The following WWOX variants were observed in gnomAD, a reference collection of about 807,000 sequenced individuals.
WWOX encodes WW domain-containing oxidoreductase.
In WWOX, 69 loss-of-function variants were observed where a neutral mutation model predicts 46.2. That is an observed-to-expected ratio of 1.49 (90% confidence interval 1.23 to 1.82). The LOEUF (loss-of-function observed/expected upper bound fraction) is 1.82, where lower values mean the gene tolerates loss of function less well. WWOX is among the 40% of genes most tolerant of loss of function. WWOX has a pLI of 0.00. For missense variants in WWOX, 919 were observed against 542.6 expected (o/e 1.69, Z -6.89); for synonymous variants, 359 against 202.6 (o/e 1.77, Z -6.56).
intron 8 of WWOX, among the ~76,000 whole-genome samples, chr16:78,720,035 TATGAA>T (rs1313067113): frequency 6.6e-6 from 1 of 152,238 alleles, no homozygotes; most frequent in Non-Finnish European, 1.5e-5. Context: ...CTGTACATTT[TATGAA>T]ATGACTGTTT....
intron 8 of WWOX, among the ~76,000 whole-genome samples, chr16:78,463,325 C>A (rs1353751268): frequency 2.6e-5 from 4 of 152,124 alleles, no homozygotes; most frequent in Non-Finnish European, 4.4e-5. Context: ...GAAATTCTTA[C>A]CCGATGCTTA....
At chr16:78,143,750 A>G (rs2034068351) in intron 4 of WWOX, among the ~76,000 whole-genome samples, 1 of 92,242 alleles carries the variant, frequency 1.1e-5, no homozygotes, top group African/African-American at 3.8e-5. Flanking sequence ...AAGAATTGGT[A>G]TGTTTTTTTT....
At chr16:78,175,312 C>G (rs1049383215) in intron 5 of WWOX, among the ~76,000 whole-genome samples, 1 of 152,236 alleles carries the variant, frequency 6.6e-6, no homozygotes, top group East Asian at 1.9e-4. Flanking sequence ...TAAAAGGAAG[C>G]CTTAGAAGTG....
At chr16:78,867,780 C>T (rs2044038470) in intron 8 of WWOX, among the ~76,000 whole-genome samples, 1 of 152,076 alleles carries the variant, frequency 6.6e-6, no homozygotes. Flanking sequence ...TTTTATACTG[C>T]CAATCTGAGG....
At chr16:78,152,865 C>T (rs2034465701) in intron 4 of WWOX, among the ~76,000 whole-genome samples, 1 of 151,940 alleles carries the variant, frequency 6.6e-6, no homozygotes, top group African/African-American at 2.4e-5. Flanking sequence ...AAAGATATTC[C>T]ACATGAACTG....
rs114415621 is a variant in WWOX, at chr16:78,960,356, G to C, written c.1057-251252G>C. On this transcript the variant is annotated intron_variant, in intron 8 of 8. Coordinates refer to ENST00000566780, the MANE Select transcript of WWOX (RefSeq NM_016373.4). ...TATATTCAAAACTAAGTCCGTGTTT[G>C]TTGCTGCTGAGTGACTGGGCTGATA... Among the ~76,000 whole-genome samples the C allele has an allele frequency of 2.9e-3, 439 of 152,300 alleles. 4 individuals carry two copies. Among genetic ancestry groups the C allele is most frequent in the African/African-American group, 0.01 (426 of 41,548 alleles).
At chr16:78,941,253 C>A (rs187980198) in intron 8 of WWOX, among the ~76,000 whole-genome samples, 6 of 152,154 alleles carry the variant, frequency 3.9e-5, no homozygotes, top group Admixed American at 3.3e-4. Flanking sequence ...GTTCTGCGGT[C>A]GCTTGGAGGA....
intron 8 of WWOX, among the ~76,000 whole-genome samples, chr16:78,783,584 T>A (rs2050381510): frequency 6.6e-6 from 1 of 152,154 alleles, no homozygotes; most frequent in Non-Finnish European, 1.5e-5. Context: ...CCCTATGCCT[T>A]TGGGAAGGAG....
intron 8 of WWOX, among the ~76,000 whole-genome samples, chr16:78,640,434 C>T (rs968248877): frequency 6.6e-6 from 1 of 151,932 alleles, no homozygotes; most frequent in Non-Finnish European, 1.5e-5. Flanking sequence ...TATAGGCTCA[C>T]GTCTCCACAT....
intron 8 of WWOX, among the ~76,000 whole-genome samples, chr16:78,629,365 A>G (rs963268681): frequency 2.6e-5 from 4 of 152,070 alleles, no homozygotes; most frequent in East Asian, 1.9e-4. Context: ...AGTGCCGTAT[A>G]TAGCAGTGTT....
chr16:78,578,444 C>T (rs1292990026), intron 8 of WWOX, among the ~76,000 whole-genome samples: 1 of 150,810 alleles, frequency 6.6e-6, no homozygotes, highest in African/African-American at 2.4e-5. Flanking sequence ...CGCCCACCAC[C>T]ATGCCTGGCT....
At chr16:78,361,996 A>G (rs1457877489) in intron 5 of WWOX, among the ~76,000 whole-genome samples, 8 of 114,200 alleles carry the variant, frequency 7.0e-5, no homozygotes, top group Non-Finnish European at 1.2e-4. Context: ...ATTTATTAAT[A>G]CCTCCATTTA....
At chr16:79,066,157 T>C (rs17647978) in intron 8 of WWOX, among the ~76,000 whole-genome samples, 18,457 of 152,132 alleles carry the variant, frequency 0.12, 1,242 homozygotes, top group Middle Eastern at 0.17. Flanking sequence ...ATCTTTGAGT[T>C]TGCCGTCCTC....
At chr16:78,383,955 G>T (rs1262246538) in intron 5 of WWOX, among the ~76,000 whole-genome samples, 1 of 152,098 alleles carries the variant, frequency 6.6e-6, no homozygotes, top group East Asian at 1.9e-4. Context: ...TGGCAGCTCT[G>T]TGCTTTATTT....
chr16:78,627,781 CAGAGT>C (rs1228600894), intron 8 of WWOX, among the ~76,000 whole-genome samples: 1 of 152,156 alleles, frequency 6.6e-6, no homozygotes, highest in Non-Finnish European at 1.5e-5. Flanking sequence ...ACAAAAGGTG[CAGAGT>C]AGAGTATGCA....
chr16:78,943,307 C>A (rs1010956450), intron 8 of WWOX, among the ~76,000 whole-genome samples: 2 of 147,280 alleles, frequency 1.4e-5, no homozygotes, highest in Non-Finnish European at 2.9e-5. Flanking sequence ...GTACGCTAAA[C>A]GAGTAAAAAG....
At chr16:78,444,229 T>A (rs557847391) in intron 8 of WWOX, among the ~76,000 whole-genome samples, 32 of 152,342 alleles carry the variant, frequency 2.1e-4, no homozygotes, top group Admixed American at 1.8e-3. Context: ...CTTACTCATC[T>A]AATGTAATTT....
intron 5 of WWOX, among the ~76,000 whole-genome samples, chr16:78,302,256 C>T (rs913281613): frequency 4.6e-5 from 7 of 152,228 alleles, no homozygotes; most frequent in East Asian, 3.9e-4. Context: ...CCACTGTGCC[C>T]GGCCTTAGAT....
chr16:78,823,364 C>T lies in WWOX; in HGVS notation c.1057-388244C>T, dbSNP rs2051557890. ...GCCTGTGTGAATAAGGAAGGACAGA[C>T]TCCCACCCCATCCCATCATTCCAGG... On this transcript the variant is annotated intron_variant, in intron 8 of 8. Transcript: ENST00000566780. 2.6e-5 allele frequency among the ~76,000 whole-genome samples: 4 copies of T among 152,180 alleles called. No individual in the cohort carries two copies. In the South Asian group the frequency reaches 8.3e-4, roughly 31 times the overall value.
Sources: allele counts gnomAD v4.1 joint callset (sites outside exome capture counted in the v4.1 genomes callset), GRCh38; gene constraint gnomAD v4.1.1; transcripts MANE v1.5; gene names NCBI Gene and HGNC (gene_info 2026-07-23, HGNC 2026-07-21).